Variants in CDKAL1 observed in about 807,000 individuals in gnomAD.
CDKAL1 encodes CDKAL1 threonylcarbamoyladenosine tRNA methylthiotransferase, also known as threonylcarbamoyladenosine tRNA methylthiotransferase.
Under a neutral mutation model 68.2 loss-of-function variants are expected in CDKAL1, and 32 were observed. The ratio of observed to expected loss-of-function variants is 0.47; its 90% CI spans 0.35 to 0.63. The LOEUF (loss-of-function observed/expected upper bound fraction) is 0.63. CDKAL1 is among the 30% of genes least tolerant of loss of function. The probability of loss-of-function intolerance (pLI) is 0.00; values close to 1 mark genes in which losing one functional copy is unlikely to be tolerated. For synonymous variants in CDKAL1, 234 were observed against 244.3 expected (o/e 0.96, Z 0.39); for missense variants, 606 against 696.7 (o/e 0.87, Z 1.47).
rs182109256 is a variant in CDKAL1, at chr6:20,595,155, A to T, written c.286+46450A>T. On this transcript the variant is annotated intron_variant, in intron 4 of 15. Coordinates refer to ENST00000274695, the MANE Select transcript of CDKAL1 (RefSeq NM_017774.3). ...AATCTGACGATTATGTGTCTTGGGG[A>T]TGCTCTTCTCCAGGAGTATCTTTGT... is the stretch of plus-strand genomic sequence containing the variant. Among the ~76,000 whole-genome samples the T allele has an allele frequency of 2.0e-3, 311 of 151,870 alleles. 1 individual carries two copies. The highest frequency in any genetic ancestry group is 6.9e-3 in the African/African-American group (284 of 41,380).
At chr6:20,985,506 G>T (rs1005542804) in intron 10 of CDKAL1, among the ~76,000 whole-genome samples, 3 of 152,158 alleles carry the variant, frequency 2.0e-5, no homozygotes, top group African/African-American at 7.2e-5. Flanking sequence ...TGTTGGCCAG[G>T]CTGGTCTTGA....
chr6:21,069,192 G>A (rs1473122117), intron 12 of CDKAL1, among the ~76,000 whole-genome samples: 1 of 152,058 alleles, frequency 6.6e-6, no homozygotes, highest in African/African-American at 2.4e-5. Context: ...TGGCAAGAAT[G>A]TTCAGTACAC....
chr6:20,892,914 G>A (rs905479746), intron 9 of CDKAL1, among the ~76,000 whole-genome samples: 1 of 152,164 alleles, frequency 6.6e-6, no homozygotes, highest in African/African-American at 2.4e-5. Context: ...AAACCTCCTG[G>A]TCTTTCACTA....
chr6:21,199,784 T>A (rs1531303), intron 14 of CDKAL1, among the ~76,000 whole-genome samples: 21,049 of 152,248 alleles, frequency 0.14, 1,574 homozygotes, highest in Non-Finnish European at 0.16. Flanking sequence ...CTGATTTAAA[T>A]GGGCTTTTTA....
At chr6:21,187,512 C>A (rs533284142) in intron 13 of CDKAL1, among the ~76,000 whole-genome samples, 2 of 152,266 alleles carry the variant, frequency 1.3e-5, no homozygotes, top group East Asian at 3.9e-4. Context: ...AATTAGAAAG[C>A]GTCCTGCATA....
chr6:20,986,462 A>G (rs756953906), intron 10 of CDKAL1, among the ~76,000 whole-genome samples: 109 of 152,268 alleles, frequency 7.2e-4, no homozygotes, highest in Non-Finnish European at 1.4e-3. Context: ...TAGAGAAAAA[A>G]TGTATATTTT....
intron 4 of CDKAL1, among the ~76,000 whole-genome samples, chr6:20,596,821 A>G (rs1248312806): frequency 2.0e-5 from 3 of 152,182 alleles, no homozygotes; most frequent in African/African-American, 7.2e-5. Context: ...GACCATGGGA[A>G]AAGTGTAGTA....
At chr6:20,960,753 G>A (rs1483285751) in intron 10 of CDKAL1, among the ~76,000 whole-genome samples, 3 of 152,328 alleles carry the variant, frequency 2.0e-5, no homozygotes, top group East Asian at 1.9e-4. Context: ...GTTTGGGAAC[G>A]GTTGTCATAT....
At chr6:21,156,544 A>G (rs572478359) in intron 13 of CDKAL1, among the ~76,000 whole-genome samples, 1 of 152,126 alleles carries the variant, frequency 6.6e-6, no homozygotes, top group East Asian at 1.9e-4. Flanking sequence ...ATTTTTGAAA[A>G]TTTCTAAAAT....
intron 12 of CDKAL1, among the ~76,000 whole-genome samples, chr6:21,075,286 A>G (rs879686206): frequency 3.3e-5 from 5 of 152,176 alleles, no homozygotes; most frequent in Non-Finnish European, 7.3e-5. Flanking sequence ...TCTCCCCGTC[A>G]TATTTACTTT....
At chr6:20,672,950 T>C (rs1769920947) in intron 5 of CDKAL1, among the ~76,000 whole-genome samples, 1 of 152,036 alleles carries the variant, frequency 6.6e-6, no homozygotes, top group Non-Finnish European at 1.5e-5. Flanking sequence ...CTAATTTTTG[T>C]GTTTTTAATG....
At chr6:21,134,616 G>A (rs924508309) in intron 13 of CDKAL1, among the ~76,000 whole-genome samples, 2 of 152,050 alleles carry the variant, frequency 1.3e-5, no homozygotes, top group Admixed American at 6.6e-5. Context: ...ATCAGTCATC[G>A]AATAATGCAT....
chr6:20,835,494 G>T (rs910829195), intron 8 of CDKAL1, among the ~76,000 whole-genome samples: 20 of 151,162 alleles, frequency 1.3e-4, no homozygotes, highest in Admixed American at 3.3e-4. Flanking sequence ...GTCTTGTCTT[G>T]TCTTGTCTTG....
At chr6:20,626,804 A>T (rs763793355) in intron 4 of CDKAL1, among the ~76,000 whole-genome samples, 8 of 152,180 alleles carry the variant, frequency 5.3e-5, no homozygotes, top group Non-Finnish European at 1.2e-4. Context: ...AGGAAAGGGC[A>T]TGGATCAACA....
At chr6:21,074,471 G>A (rs963140085) in intron 12 of CDKAL1, among the ~76,000 whole-genome samples, 1 of 152,098 alleles carries the variant, frequency 6.6e-6, no homozygotes, top group African/African-American at 2.4e-5. Context: ...GACTTTTTGT[G>A]GGGGATACAA....
At chr6:20,770,931 C>A (rs1774913324) in intron 7 of CDKAL1, among the ~76,000 whole-genome samples, 2 of 152,098 alleles carry the variant, frequency 1.3e-5, no homozygotes, top group South Asian at 4.2e-4. Flanking sequence ...CTGATTTTCC[C>A]TGGGAGAGTT....
At chr6:21,014,705 T>A (rs1297839285) in intron 11 of CDKAL1, among the ~76,000 whole-genome samples, 1 of 152,192 alleles carries the variant, frequency 6.6e-6, no homozygotes, top group East Asian at 1.9e-4. Context: ...TATCTAATTA[T>A]GTTCTCTTGA....
At chr6:21,225,964 A>T (rs1488677981) in intron 15 of CDKAL1, among the ~76,000 whole-genome samples, 1 of 152,210 alleles carries the variant, frequency 6.6e-6, no homozygotes, top group Admixed American at 6.5e-5. Flanking sequence ...AAACCCTATG[A>T]TGCACAAATA....
intron 4 of CDKAL1, among the ~76,000 whole-genome samples, chr6:20,580,939 G>A (rs977309534): frequency 6.6e-6 from 1 of 152,044 alleles, no homozygotes; most frequent in Non-Finnish European, 1.5e-5. Flanking sequence ...ATAGGCATGC[G>A]CCACCACGCC....
Sources: gnomAD v4.1 joint callset for allele counts (sites outside exome capture counted in the v4.1 genomes callset) on GRCh38, gnomAD v4.1.1 for gene constraint, MANE v1.5 for transcripts, NCBI Gene and HGNC (gene_info 2026-07-23, HGNC 2026-07-21) for gene names.